Variants in MGME1 observed in about 807,000 individuals in gnomAD.
MGME1 encodes the protein chromosome 20 open reading frame 72.
MGME1 carries 22 observed loss-of-function variants against 33.0 expected under a neutral mutation model. The observed-to-expected ratio is 0.67, with a 90% CI of 0.48 to 0.95. MGME1 has a LOEUF of 0.95. Ranked by LOEUF, MGME1 falls within the 40% of genes least tolerant of loss-of-function variation. MGME1 has a pLI of 0.00. For synonymous variants in MGME1, 133 were observed against 144.0 expected, an observed-to-expected ratio of 0.92 and a Z score of 0.55; for missense variants, 383 against 397.8, an observed-to-expected ratio of 0.96 and a Z score of 0.32.
intron 2 of MGME1, 40 bp downstream of exon 2, chr20:17,970,410 T>A: frequency 3.9e-6 from 6 of 1,556,218 alleles, no homozygotes; most frequent in Non-Finnish European, 5.2e-6. Flanking sequence ...TTGCTATGTT[T>A]TCTATAATAG....
chr20:17,968,806 G>C (rs1180914871), upstream of MGME1: 3 of 257,748 alleles, frequency 1.2e-5, no homozygotes, highest in South Asian at 1.7e-4. Context: ...CCGCGTTTCG[G>C]TGCGGGGGGA....
intron 3 of MGME1, among the ~76,000 whole-genome samples, chr20:17,983,114 G>A (rs574345448): frequency 1.4e-4 from 21 of 152,110 alleles, no homozygotes; most frequent in African/African-American, 5.1e-4. Flanking sequence ...CTCTCTTTCT[G>A]AGTTCGACTT....
In MGME1 at chr20:17,971,188, A is replaced by T. The variant is rs114978953; in HGVS notation, c.511+818A>T. Among the ~76,000 whole-genome samples, 275 of 152,338 alleles carry T rather than the reference A, an allele frequency of 1.8e-3. 1 individual carries two copies. The highest frequency in any genetic ancestry group is 6.4e-3 in the African/African-American group (266 of 41,578). On this transcript the variant is annotated intron_variant, in intron 2 of 4. Transcript: ENST00000377710. Reference sequence around the variant, plus strand: ...TTCTATTTAAGTCGTCTTTTCCCTAATCCAGACTCCTAAAACTATGCGTGT... The same window carrying T: ...TTCTATTTAAGTCGTCTTTTCCCTATTCCAGACTCCTAAAACTATGCGTGT...
intron 2 of MGME1, among the ~76,000 whole-genome samples, chr20:17,971,877 A>G (rs1188894896): frequency 6.6e-6 from 1 of 152,162 alleles, no homozygotes; most frequent in East Asian, 1.9e-4. Context: ...CTGGGACCAC[A>G]GGCGTGCACC....
intron 3 of MGME1, among the ~76,000 whole-genome samples, chr20:17,979,566 C>A (rs980961545): frequency 6.6e-6 from 1 of 151,242 alleles, no homozygotes; most frequent in Admixed American, 6.6e-5. Flanking sequence ...CATGCCACCA[C>A]GCCCGGCTAA....
At chr20:17,977,101 C>T (rs563823632) in intron 3 of MGME1, among the ~76,000 whole-genome samples, 6 of 152,086 alleles carry the variant, frequency 3.9e-5, no homozygotes, top group Admixed American at 1.3e-4. Context: ...TGAAGGCAGG[C>T]ACAGTGGCTC....
chr20:17,969,367 G>A (rs1253131659), intron 1 of MGME1, among the ~76,000 whole-genome samples: 2 of 152,230 alleles, frequency 1.3e-5, no homozygotes, highest in Non-Finnish European at 2.9e-5. Flanking sequence ...TGTGCAACGG[G>A]TTCATTCTAG....
At position 17,990,139 on chromosome 20, in the gene MGME1, C is replaced by T. The variant is rs1372453410; in HGVS notation, c.*30C>T. 3.2e-5 allele frequency: 51 copies of T among 1,599,556 alleles called. No homozygotes were observed. Among genetic ancestry groups the T allele is most frequent in the Non-Finnish European group, 4.1e-5 (48 of 1,167,024 alleles). On this transcript the variant is annotated 3_prime_UTR_variant, in exon 5 of 5. Coordinates refer to ENST00000377710, the MANE Select transcript of MGME1 (RefSeq NM_052865.4). The stretch of plus-strand genomic sequence containing the variant: ...CAAGTTGCTATTTGGGAACATTCAG[C>T]ACCTTCTCACAGTTTGGGAACATAT...
At chr20:17,989,354 C>G (rs1005546090) in intron 4 of MGME1, among the ~76,000 whole-genome samples, 3 of 151,616 alleles carry the variant, frequency 2.0e-5, no homozygotes, top group Admixed American at 1.3e-4. Context: ...CCACTGCACT[C>G]CAGCCTGGGC....
intron 3 of MGME1, among the ~76,000 whole-genome samples, chr20:17,980,017 C>A (rs992583741): frequency 6.6e-6 from 1 of 151,972 alleles, no homozygotes; most frequent in African/African-American, 2.4e-5. Flanking sequence ...AAACGTGAGC[C>A]CCTATGCCTG....
chr20:17,986,090 CAG>C (rs2036148024), intron 3 of MGME1, among the ~76,000 whole-genome samples: 2 of 151,020 alleles, frequency 1.3e-5, no homozygotes, highest in East Asian at 1.9e-4. Context: ...CTTTTTGAGA[CAG>C]AGTTTCACCC....
intron 3 of MGME1, 98 bp from the exon 4 acceptor site, chr20:17,988,068 C>A: frequency 1.6e-6 from 2 of 1,216,956 alleles, no homozygotes; most frequent in South Asian, 1.6e-5. Context: ...TGGTCATTGG[C>A]TGACAAGTAA....
At chr20:17,969,539 C>T (rs1209391347) in intron 1 of MGME1, among the ~76,000 whole-genome samples, 2 of 152,240 alleles carry the variant, frequency 1.3e-5, no homozygotes, top group African/African-American at 4.8e-5. Flanking sequence ...GCACACGCCT[C>T]CCTTCCTGGG....
At chr20:17,978,033 G>A (rs965694556) in intron 3 of MGME1, among the ~76,000 whole-genome samples, 26 of 152,158 alleles carry the variant, frequency 1.7e-4, no homozygotes, top group Middle Eastern at 3.4e-3. Flanking sequence ...ATACAAATTC[G>A]TAAACTTTCT....
At chr20:17,976,001 C>CAGA in intron 3 of MGME1, 98 bp downstream of exon 3, 1 of 986,990 alleles carries the variant, frequency 1.0e-6, no homozygotes, top group Non-Finnish European at 1.6e-6. Flanking sequence ...TGTTTAATGT[C>CAGA]CAGACCTTTG....
intron 3 of MGME1, among the ~76,000 whole-genome samples, chr20:17,982,722 G>A (rs1366126216): frequency 2.0e-5 from 3 of 152,120 alleles, no homozygotes; most frequent in Non-Finnish European, 4.4e-5. Flanking sequence ...AGCTATTTGT[G>A]AACTGTTACT....
chr20:17,975,788 A>T lies in MGME1; in HGVS notation c.616A>T (p.Ile206Phe), dbSNP rs1466690078. ...RDENLLKSGY[I>F]ESVQHILKDV... ...TGAAAATCTCCTCAAGTCTGGTTACATTGAAAGTGTCCAGCATATTCTGAA... is the reference window on the plus strand; with the variant it reads ...TGAAAATCTCCTCAAGTCTGGTTACTTTGAAAGTGTCCAGCATATTCTGAA... The change falls in exon 3 of 5, where the codon ATT (isoleucine) becomes TTT (phenylalanine). Residue 206 changes from isoleucine (I) to phenylalanine (F), a missense_variant. By Grantham distance (21) the Ile-to-Phe change is conservative. Transcript: ENST00000377710. The T allele has an allele frequency of 6.2e-7, 1 of 1,614,108 alleles. No homozygotes were observed. Among genetic ancestry groups the T allele is most frequent in the South Asian group, 1.1e-5 (1 of 91,080 alleles).
chr20:17,971,493 C>T (rs1292460706), intron 2 of MGME1, among the ~76,000 whole-genome samples: 3 of 152,210 alleles, frequency 2.0e-5, no homozygotes, highest in Non-Finnish European at 4.4e-5. Flanking sequence ...ATAGTTTTCT[C>T]ATGAGAAGTT....
chr20:17,973,423 C>T (rs768434612), intron 2 of MGME1, among the ~76,000 whole-genome samples: 27 of 152,058 alleles, frequency 1.8e-4, no homozygotes, highest in South Asian at 8.3e-4. Context: ...CAAGGTGGGA[C>T]GATTGCTTGA....
Sources: gnomAD v4.1 joint callset for allele counts (sites outside exome capture counted in the v4.1 genomes callset) on GRCh38, gnomAD v4.1.1 for gene constraint, MANE v1.5 for transcripts, NCBI Gene and HGNC (gene_info 2026-07-23, HGNC 2026-07-21) for gene names.